HECW2: variants seen among roughly 807,000 people sequenced by gnomAD.
HECW2 encodes the protein HECT, C2 and WW domain containing E3 ubiquitin protein ligase 2, also known as E3 ubiquitin-protein ligase HECW2.
In HECW2, 61 loss-of-function variants were observed where a neutral mutation model predicts 175.2. The observed-to-expected ratio is 0.35, with a 90% CI of 0.28 to 0.43. The LOEUF (loss-of-function observed/expected upper bound fraction) is 0.43. HECW2 is among the 20% of genes least tolerant of loss of function. The pLI is 1.00. For missense variants in HECW2, 1,524 were observed against 2,000.5 expected (o/e 0.76, Z 4.54); for synonymous variants, 671 against 731.0 (o/e 0.92, Z 1.32).
chr2:196,320,316 A>T (rs767327342), intron 8 of HECW2, 23 bp downstream of exon 8: 15 of 1,389,920 alleles, frequency 1.1e-5, no homozygotes. Context: ...CAATGTATTC[A>T]TACAGATATA....
At chr2:196,226,812 G>A (rs557214193) in intron 22 of HECW2, among the ~76,000 whole-genome samples, 1 of 152,282 alleles carries the variant, frequency 6.6e-6, no homozygotes, top group South Asian at 2.1e-4. Flanking sequence ...TTCAAGAATT[G>A]TGCACATGGA....
intron 6 of HECW2, among the ~76,000 whole-genome samples, chr2:196,324,338 C>G (rs572602236): frequency 6.6e-6 from 1 of 151,776 alleles, no homozygotes; most frequent in Non-Finnish European, 1.5e-5. Context: ...ATGAGAAAAC[C>G]CTTTGCTTGA....
At chr2:196,445,302 C>CT (rs908212294) in intron 1 of HECW2, among the ~76,000 whole-genome samples, 2 of 152,142 alleles carry the variant, frequency 1.3e-5, no homozygotes, top group African/African-American at 4.8e-5. Flanking sequence ...CTTGACTTTT[C>CT]TTTTTTTCCC....
At chr2:196,210,281 T>C (rs1329605514) in intron 28 of HECW2, among the ~76,000 whole-genome samples, 1 of 81,648 alleles carries the variant, frequency 1.2e-5, no homozygotes, top group East Asian at 9.5e-4. Context: ...TGTGTGTGTA[T>C]GTGTGTGTCT....
intron 2 of HECW2, among the ~76,000 whole-genome samples, chr2:196,383,429 A>G (rs1226451971): frequency 1.3e-5 from 2 of 152,230 alleles, no homozygotes; most frequent in African/African-American, 4.8e-5. Context: ...GGGTGCCAAG[A>G]GCAAAATTAG....
At chr2:196,542,974 T>C (rs1278994284) in intron 1 of HECW2, among the ~76,000 whole-genome samples, 3 of 148,570 alleles carry the variant, frequency 2.0e-5, no homozygotes, top group African/African-American at 4.9e-5. Flanking sequence ...ATAGGTATTA[T>C]ACATATCTAA....
chr2:196,490,684 C>G (rs1347023084), intron 1 of HECW2, among the ~76,000 whole-genome samples: 1 of 151,988 alleles, frequency 6.6e-6, no homozygotes, highest in Non-Finnish European at 1.5e-5. Context: ...TTTATAAGGC[C>G]AAAAAGTAAA....
chr2:196,337,179 T>C (rs1392054532), intron 3 of HECW2, among the ~76,000 whole-genome samples: 1 of 152,208 alleles, frequency 6.6e-6, no homozygotes, highest in Non-Finnish European at 1.5e-5. Flanking sequence ...AGCATTTTGA[T>C]TAATATATTT....
At chr2:196,238,686 T>A (rs986871673) in intron 21 of HECW2, 5 of 152,162 alleles carry the variant, frequency 3.3e-5, no homozygotes, top group African/African-American at 1.2e-4. Context: ...GCTTAGAACA[T>A]CCTCTCCCTT....
At chr2:196,485,590 A>G (rs569970566) in intron 1 of HECW2, among the ~76,000 whole-genome samples, 1 of 152,222 alleles carries the variant, frequency 6.6e-6, no homozygotes, top group Non-Finnish European at 1.5e-5. Context: ...TATAGGCCCC[A>G]CCTCTTAACA....
At chr2:196,527,732 T>G (rs1408256239) in intron 1 of HECW2, among the ~76,000 whole-genome samples, 3 of 152,224 alleles carry the variant, frequency 2.0e-5, no homozygotes, top group Non-Finnish European at 2.9e-5. Context: ...CAGAGAAACT[T>G]CAGACTTAAC....
rs1405289971 is a variant in HECW2, at chr2:196,397,623, C to T, written c.292+35509G>A. 3.9e-5 allele frequency among the ~76,000 whole-genome samples: 6 copies of T among 152,180 alleles called. No homozygotes were observed. The East Asian group carries it at 7.7e-4, about 20-fold the overall frequency. ...ACCTCCAGATAATAGTGACAGAATC[C>T]CCTTTAGTCCCCCACCAAATACCAG... On this transcript the variant is annotated intron_variant, in intron 2 of 28. Transcript: ENST00000644978.
intron 1 of HECW2, among the ~76,000 whole-genome samples, chr2:196,466,264 G>T (rs1696949288): frequency 6.6e-6 from 1 of 152,188 alleles, no homozygotes; most frequent in African/African-American, 2.4e-5. Flanking sequence ...GTGTGCTAGA[G>T]CTGGCTTCCC....
At chr2:196,374,042 AAAT>A (rs1559074067) in intron 2 of HECW2, among the ~76,000 whole-genome samples, 11 of 134,100 alleles carry the variant, frequency 8.2e-5, no homozygotes, top group African/African-American at 4.2e-4. Flanking sequence ...AAAAAAAATA[AAAT>A]AAAATAAATA....
At chr2:196,582,771 T>C (rs1216506754) in intron 1 of HECW2, among the ~76,000 whole-genome samples, 2 of 152,184 alleles carry the variant, frequency 1.3e-5, no homozygotes, top group East Asian at 1.9e-4. Flanking sequence ...GAAAACAGTA[T>C]ACTTAACCAA....
intron 2 of HECW2, among the ~76,000 whole-genome samples, chr2:196,420,610 G>A (rs1360736226): frequency 6.6e-6 from 1 of 152,120 alleles, no homozygotes; most frequent in African/African-American, 2.4e-5. Flanking sequence ...AACCAACAAG[G>A]ATTTGAAGTT....
At chr2:196,302,925 C>A (rs1269928167) in intron 13 of HECW2, among the ~76,000 whole-genome samples, 3 of 152,142 alleles carry the variant, frequency 2.0e-5, no homozygotes, top group African/African-American at 7.2e-5. Flanking sequence ...TGACTGATTG[C>A]CCTGGCCAGA....
At chr2:196,334,893 C>A (rs1692495905) in intron 3 of HECW2, among the ~76,000 whole-genome samples, 1 of 152,128 alleles carries the variant, frequency 6.6e-6, no homozygotes, top group Admixed American at 6.5e-5. Context: ...ATTCCTTTCC[C>A]CATATTACAG....
At chr2:196,526,737 C>G (rs933666518) in intron 1 of HECW2, among the ~76,000 whole-genome samples, 10 of 148,942 alleles carry the variant, frequency 6.7e-5, no homozygotes, top group Non-Finnish European at 1.0e-4. Context: ...ATACCCTGCC[C>G]TGTGAGGTGT....
Sources: gnomAD v4.1 joint callset for allele counts (sites outside exome capture counted in the v4.1 genomes callset) on GRCh38, gnomAD v4.1.1 for gene constraint, MANE v1.5 for transcripts, NCBI Gene and HGNC (gene_info 2026-07-23, HGNC 2026-07-21) for gene names.